ZNF34: variants seen among roughly 807,000 people sequenced by gnomAD.
ZNF34 encodes the protein zinc finger protein 34.
A neutral mutation model predicts 14.4 loss-of-function variants in ZNF34; 8 were observed. The ratio of observed to expected loss-of-function variants is 0.55; its 90% CI spans 0.33 to 1.00. The LOEUF (loss-of-function observed/expected upper bound fraction) is 1.00, where lower values mean the gene tolerates loss of function less well. Among genes scored for constraint, ZNF34 ranks in the 50% least tolerant of loss-of-function variants. The pLI is 0.03. For missense variants in ZNF34, 538 were observed against 674.2 expected (o/e 0.80, Z 2.24); for synonymous variants, 235 against 247.9 (o/e 0.95, Z 0.49).
In ZNF34 at chr8:144,773,490, T is replaced by C; in HGVS notation, c.1396A>G (p.Ser466Gly). ...CSECGKAFHN[S>G]SRLIHHQRLH... The stretch of plus-strand genomic sequence containing the variant: ...CTCTGGTGGTGGATGAGTCTGGAAC[T>C]GTTGTGGAAGGCCTTCCCACACTCG... Residue 466 changes from serine to glycine, a missense_variant, in exon 6 of 6, where the codon AGT (serine) becomes GGT (glycine). Ser to Gly is a moderately conservative substitution (Grantham distance 56). Around this residue, in one of 3 missense-constraint regions of ZNF34, gnomAD observed 101 missense variants for 123.1 expected, o/e 0.82. Transcript: ENST00000429371. This position sits in a 1 kb window ranked among gnomAD's most constrained non-coding sequence, Gnocchi z 5.4. The C allele has an allele frequency of 1.2e-6, 2 of 1,614,056 alleles. No individual in the cohort carries two copies. The highest frequency in any genetic ancestry group is 1.7e-6 in the Non-Finnish European group (2 of 1,180,010).
At position 144,777,453 on chromosome 8, in the gene ZNF34, C is replaced by T; in HGVS notation, c.280+5G>A. On this transcript the variant is annotated splice_donor_5th_base_variant and intron_variant, in intron 5 of 5. Transcript: ENST00000429371. This position sits in a 1 kb window ranked among gnomAD's most constrained non-coding sequence, Gnocchi z 4.8. ...TTGAGTTGGGGAGCAGATCCCCTCACGCACCTGGGCTGTTGACTCTCAGGT... is the reference window on the plus strand; with the variant it reads ...TTGAGTTGGGGAGCAGATCCCCTCATGCACCTGGGCTGTTGACTCTCAGGT... 5.8e-6 allele frequency: 9 copies of T among 1,551,164 alleles called. No homozygotes were observed. The highest frequency in any genetic ancestry group is 2.4e-5 in the East Asian group (1 of 40,914).
rs1825751654 is a variant in ZNF34 at position 144,779,816 on chromosome 8, G to A, written c.-55+412C>T. On this transcript the variant is annotated intron_variant, in intron 2 of 5. Coordinates refer to ENST00000429371, the MANE Select transcript of ZNF34 (RefSeq NM_001286769.2). The surrounding 1 kb of genome is among the most constrained non-coding windows in gnomAD (Gnocchi z 4.1). ...TGGCATGCTAAGCTGTCTCATTCAG[G>A]AGGAAAACGACAATACTCATTCACT... Among the ~76,000 whole-genome samples the A allele has an allele frequency of 6.6e-6, 1 of 152,074 alleles. No individual in the cohort carries two copies. Among genetic ancestry groups the A allele is most frequent in the Non-Finnish European group, 1.5e-5 (1 of 68,026 alleles).
chr8:144,784,057 G>A (rs1449414915), intron 1 of ZNF34, among the ~76,000 whole-genome samples: 2 of 152,042 alleles, frequency 1.3e-5, no homozygotes, highest in Non-Finnish European at 2.9e-5. Context: ...CTACTCGGGA[G>A]GCTGAGGCAG....
rs1460018332 is a variant in ZNF34 at position 144,773,195 on chromosome 8, G to A, written c.*71C>T. ...ACATCGTGTGGATAATACATAAAGG[G>A]CAGAGTCAGGTGCCGGGGGCGCATG... On this transcript the variant is annotated 3_prime_UTR_variant, in exon 6 of 6. Coordinates refer to ENST00000429371, the MANE Select transcript of ZNF34 (RefSeq NM_001286769.2). The surrounding 1 kb of genome is among the most constrained non-coding windows in gnomAD (Gnocchi z 5.4). 70 of 1,470,148 alleles carry A rather than the reference G, an allele frequency of 4.8e-5. No homozygotes were observed. The highest frequency in any genetic ancestry group is 5.9e-5 in the Non-Finnish European group (65 of 1,097,916). 91.1% of individuals were successfully genotyped at this position (1,470,148 alleles called of 1,614,324 possible).
At chr8:144,778,255 C>G in intron 3 of ZNF34, 91 bp from the exon 4 acceptor site, 2 of 1,531,760 alleles carry the variant, frequency 1.3e-6, no homozygotes, top group Non-Finnish European at 8.8e-7. Context: ...AAGGCAGCAG[C>G]ACAGTGGGTG....
intron 1 of ZNF34, among the ~76,000 whole-genome samples, chr8:144,780,510 G>A (rs572792705): frequency 8.4e-4 from 128 of 152,286 alleles, no homozygotes; most frequent in Non-Finnish European, 9.9e-4. Context: ...AGAACTGGCC[G>A]GGTGTGGTGG....
chr8:144,780,863 G>A (rs1018551266), intron 1 of ZNF34, among the ~76,000 whole-genome samples: 4 of 151,646 alleles, frequency 2.6e-5, no homozygotes, highest in Non-Finnish European at 4.4e-5. Context: ...CTGGCCAGGC[G>A]TGGTTGCTCA....
At chr8:144,781,500 C>T (rs1203101163) in intron 1 of ZNF34, among the ~76,000 whole-genome samples, 1 of 152,042 alleles carries the variant, frequency 6.6e-6, no homozygotes, top group Non-Finnish European at 1.5e-5. Context: ...TTGTGATCTG[C>T]CCGCCTTGGC....
chr8:144,782,482 A>G (rs1328969213), intron 1 of ZNF34, among the ~76,000 whole-genome samples: 1 of 151,704 alleles, frequency 6.6e-6, no homozygotes, highest in Non-Finnish European at 1.5e-5. Context: ...ACAGAGTGAG[A>G]CTCTGTCCAA....
In ZNF34 at chr8:144,777,011, G is replaced by A. The variant is rs1825565427; in HGVS notation, c.280+447C>T. ...ATATACTACAACACAACTATGTCTG[G>A]GTAGTGAGATTCAGGGTGATGTGTA... On this transcript the variant is annotated intron_variant, in intron 5 of 5. Coordinates refer to ENST00000429371, the MANE Select transcript of ZNF34 (RefSeq NM_001286769.2). This position sits in a 1 kb window ranked among gnomAD's most constrained non-coding sequence, Gnocchi z 4.8. Among the ~76,000 whole-genome samples the A allele has an allele frequency of 6.6e-6, 1 of 151,976 alleles. No homozygotes were observed. The highest frequency in any genetic ancestry group is 1.5e-5 in the Non-Finnish European group (1 of 68,028).
Position 144,774,200 on chromosome 8 carries a change from A to C in ZNF34, c.686T>G (p.Leu229Trp). The C allele has an allele frequency of 6.2e-7, 1 of 1,613,612 alleles. No individual in the cohort carries two copies. The highest frequency in any genetic ancestry group is 2.2e-5 in the East Asian group (1 of 44,724). ...EDQKIPTGKK[L>W]HYCSYCGKTF... is the part of the protein sequence containing the mutation. The stretch of plus-strand genomic sequence containing the variant: ...TTTCCCACAGTAACTGCAATAATGC[A>C]ATTTTTTCCCAGTAGGAATTTTCTG... The change falls in exon 6 of 6, where the codon TTG (leucine) becomes TGG (tryptophan). Residue 229 changes from leucine to tryptophan, a missense_variant. Physicochemically the swap from Leu to Trp is moderately conservative, Grantham distance 61. Transcript: ENST00000429371.
In ZNF34 at chr8:144,773,338, C is replaced by G; in HGVS notation, c.1548G>C (p.Gly516=). The change falls in exon 6 of 6, where the codon GGG becomes GGC. Residue 516 remains glycine, a synonymous_variant. Transcript: ENST00000429371. This position sits in a 1 kb window ranked among gnomAD's most constrained non-coding sequence, Gnocchi z 5.4. ...TGTTGGAACTGTGCCGGAAGGCCTT[C>G]CCACACTCGCTGCACTTGTAGGGCT... ...GEKPYKCSEC[G]KAFRHSSNMC... 1 of 1,614,178 alleles carries G rather than the reference C, an allele frequency of 6.2e-7. No individual in the cohort carries two copies. Among genetic ancestry groups the G allele is most frequent in the Non-Finnish European group, 8.5e-7 (1 of 1,180,012 alleles).
intron 1 of ZNF34, among the ~76,000 whole-genome samples, chr8:144,783,052 T>C (rs532162830): frequency 5.3e-5 from 8 of 150,478 alleles, no homozygotes; most frequent in African/African-American, 2.0e-4. Flanking sequence ...GTAATCCCCA[T>C]ACTTTGGGAG....
chr8:144,784,898 A>G (rs1826127819), intron 1 of ZNF34, among the ~76,000 whole-genome samples: 1 of 152,086 alleles, frequency 6.6e-6, no homozygotes, highest in Non-Finnish European at 1.5e-5. Flanking sequence ...CGAGGTGGCC[A>G]GATTGCTTGA....
intron 5 of ZNF34, among the ~76,000 whole-genome samples, chr8:144,776,895 G>A (rs1020426243): frequency 7.4e-6 from 1 of 134,388 alleles, no homozygotes; most frequent in African/African-American, 3.0e-5. Context: ...CTGGGTGATA[G>A]AGGGCGACCC....
intron 1 of ZNF34, among the ~76,000 whole-genome samples, chr8:144,786,794 G>A (rs1184080433): frequency 6.6e-6 from 1 of 152,062 alleles, no homozygotes; most frequent in African/African-American, 2.4e-5. Context: ...CAAGCAGAGG[G>A]AGGAGCACTG....
chr8:144,773,470 G>A lies in ZNF34; in HGVS notation c.1416C>T (p.His472=), dbSNP rs377413616. 4 of 1,612,946 alleles carry A rather than the reference G, an allele frequency of 2.5e-6. No homozygotes were observed. In the African/African-American group the frequency reaches 5.4e-5, roughly 22 times the overall value. Reference sequence around the variant, plus strand: ...GTTTCTCTCCGTGGTGCAGCCTCTGGTGGTGGATGAGTCTGGAACTGTTGT... The same window carrying A: ...GTTTCTCTCCGTGGTGCAGCCTCTGATGGTGGATGAGTCTGGAACTGTTGT... The part of the protein sequence containing the change: ...AFHNSSRLIH[H]QRLHHGEKPY... Residue 472 remains histidine, a synonymous_variant, in exon 6 of 6, where the codon CAC becomes CAT. Coordinates refer to ENST00000429371, the MANE Select transcript of ZNF34 (RefSeq NM_001286769.2). This position sits in a 1 kb window ranked among gnomAD's most constrained non-coding sequence, Gnocchi z 5.4.
rs1363471844 is a variant in ZNF34 at position 144,777,390 on chromosome 8, C to T, written c.280+68G>A. ...GCCCACAAACTCCTGATTCATTAAT[C>T]AGACACCCTGGACCCCAATAAAGGC... is the stretch of plus-strand genomic sequence containing the variant. On this transcript the variant is annotated intron_variant, in intron 5 of 5. Coordinates refer to ENST00000429371, the MANE Select transcript of ZNF34 (RefSeq NM_001286769.2). This position sits in a 1 kb window ranked among gnomAD's most constrained non-coding sequence, Gnocchi z 4.8. The T allele has an allele frequency of 2.0e-5, 30 of 1,517,436 alleles. No individual in the cohort carries two copies. The highest frequency in any genetic ancestry group is 2.6e-5 in the Non-Finnish European group (29 of 1,127,036). 94.0% of individuals were successfully genotyped at this position (1,517,436 alleles called of 1,614,324 possible).
chr8:144,774,011 C>T lies in ZNF34; in HGVS notation c.875G>A (p.Gly292Glu). Residue 292 changes from glycine to glutamate, a missense_variant, in exon 6 of 6, where the codon GGG becomes GAG. Gly to Glu is a moderately conservative substitution (Grantham distance 98, BLOSUM62 -2). Around this residue, in one of 3 missense-constraint regions of ZNF34, gnomAD observed 431 missense variants for 525.7 expected, o/e 0.82. Transcript: ENST00000429371. ...GEIPYRCDEC[G>E]KTFTRRPNLM... ...GTTGGGCCTCCGGGTGAATGTCTTC[C>T]CACACTCGTCACACCGGTAGGGAAT... The T allele has an allele frequency of 6.2e-7, 1 of 1,614,074 alleles. No homozygotes were observed.
Sources: allele counts gnomAD v4.1 joint callset (sites outside exome capture counted in the v4.1 genomes callset), GRCh38; gene constraint gnomAD v4.1.1; regional missense constraint gnomAD v4.1.1; non-coding constraint Gnocchi (gnomAD v3.1); transcripts MANE v1.5; gene names NCBI Gene and HGNC (gene_info 2026-07-23, HGNC 2026-07-21).